Variants in DNAH10 observed in about 807,000 individuals in gnomAD.
The protein encoded by DNAH10 is axonemal beta dynein heavy chain 10.
DNAH10 carries 348 observed loss-of-function variants against 506.6 expected under a neutral mutation model. That is an observed-to-expected ratio of 0.69 (90% confidence interval 0.63 to 0.75). The LOEUF is 0.75. DNAH10 is among the 30% of genes least tolerant of loss of function. The pLI, the probability that DNAH10 is intolerant of heterozygous loss-of-function variation, is 0.00. For missense variants in DNAH10, 5,179 were observed against 5,787.1 expected, an observed-to-expected ratio of 0.89 and a Z score of 3.41; for synonymous variants, 2,059 against 2,198.6, an observed-to-expected ratio of 0.94 and a Z score of 1.78.
intron 51 of DNAH10, among the ~76,000 whole-genome samples, chr12:123,882,499 T>A (rs1046637915): frequency 2.0e-5 from 3 of 152,160 alleles, no homozygotes; most frequent in African/African-American, 7.2e-5. Flanking sequence ...TTTAGAACAC[T>A]TCTGTGGCTT....
intron 43 of DNAH10, among the ~76,000 whole-genome samples, chr12:123,868,478 A>G (rs1307925701): frequency 6.6e-6 from 1 of 152,092 alleles, no homozygotes; most frequent in African/African-American, 2.4e-5. Flanking sequence ...ATTTTTAACC[A>G]TCTATCTCCA....
chr12:123,889,490 G>C (rs759795171), intron 52 of DNAH10, among the ~76,000 whole-genome samples: 5 of 152,086 alleles, frequency 3.3e-5, no homozygotes, highest in Non-Finnish European at 7.4e-5. Flanking sequence ...TGCCCTCCTT[G>C]GAGCATACAT....
chr12:123,789,125 G>C (rs946699331), intron 10 of DNAH10, among the ~76,000 whole-genome samples: 3 of 151,844 alleles, frequency 2.0e-5, no homozygotes, highest in Non-Finnish European at 4.4e-5. Flanking sequence ...GCGGGCGCCT[G>C]TAATCCCAGC....
intron 30 of DNAH10, among the ~76,000 whole-genome samples, chr12:123,842,384 C>A (rs936963050): frequency 6.6e-6 from 1 of 152,218 alleles, no homozygotes; most frequent in African/African-American, 2.4e-5. Flanking sequence ...CAGCTGAGTG[C>A]AGTCCAACTA....
intron 52 of DNAH10, 107 bp downstream of exon 52, chr12:123,887,420 C>G: frequency 7.6e-7 from 1 of 1,310,280 alleles, no homozygotes; most frequent in Non-Finnish European, 1.0e-6. Flanking sequence ...TAGCCCTGTG[C>G]GGGTGTACCT....
At chr12:123,781,022 A>G in intron 5 of DNAH10, 58 bp from the exon 6 acceptor site, 2 of 1,358,992 alleles carry the variant, frequency 1.5e-6, no homozygotes, top group Admixed American at 2.3e-5. Context: ...GGCAATTTGA[A>G]TACATGAATT....
rs868044658 is a variant in DNAH10, at chr12:123,837,058, A to T, written c.4903-1398A>T. Among the ~76,000 whole-genome samples, 110 of 150,932 alleles carry T rather than the reference A, an allele frequency of 7.3e-4. 1 individual carries two copies. The highest frequency in any genetic ancestry group is 2.4e-3 in the Admixed American group (37 of 15,122). The stretch of plus-strand genomic sequence containing the variant: ...AGTAGAGACGGGGTTTCACCGTGTT[A>T]GCCAGGATGGTCTCAATCTCCTGAC... On this transcript the variant is annotated intron_variant, in intron 28 of 78. Coordinates refer to ENST00000673944, the MANE Select transcript of DNAH10 (RefSeq NM_001372106.1).
intron 52 of DNAH10, among the ~76,000 whole-genome samples, chr12:123,890,291 G>C (rs1469668676): frequency 6.6e-6 from 1 of 152,036 alleles, no homozygotes; most frequent in Admixed American, 6.6e-5. Context: ...TTATTTCAGA[G>C]ACAGGGTCTT....
At chr12:123,904,683 C>T (rs1029114843) in intron 57 of DNAH10, among the ~76,000 whole-genome samples, 15 of 152,204 alleles carry the variant, frequency 9.9e-5, no homozygotes, top group South Asian at 8.3e-4. Context: ...TGCTGTGTGA[C>T]GTTTAGCAAG....
intron 19 of DNAH10, 60 bp from the exon 20 acceptor site, chr12:123,813,104 A>C: frequency 3.9e-6 from 5 of 1,266,228 alleles, no homozygotes; most frequent in Non-Finnish European, 5.6e-6. Context: ...ACTAATATGT[A>C]CGTTGGAGGC....
At chr12:123,890,069 G>A (rs777718592) in intron 52 of DNAH10, among the ~76,000 whole-genome samples, 6 of 152,126 alleles carry the variant, frequency 3.9e-5, no homozygotes, top group Non-Finnish European at 5.9e-5. Flanking sequence ...AGTCCTTTTT[G>A]CAGGAAACAT....
chr12:123,902,838 G>T lies in DNAH10; in HGVS notation c.9641-101G>T. The T allele has an allele frequency of 1.4e-6, 2 of 1,415,416 alleles. No individual in the cohort carries two copies. Among genetic ancestry groups the T allele is most frequent in the South Asian group, 1.5e-5 (1 of 66,516 alleles). 87.7% of individuals were successfully genotyped at this position (1,415,416 alleles called of 1,614,324 possible). A position where few individuals can be genotyped will look rare whatever the true frequency, so the allele number is the denominator to read the frequency against. The stretch of plus-strand genomic sequence containing the variant: ...CAGAGCCCCTTAGATCCCCGCTAGG[G>T]CTCAAGCCAACCTTTGAGGACTGCA... On this transcript the variant is annotated intron_variant, in intron 56 of 78. Coordinates refer to ENST00000673944, the MANE Select transcript of DNAH10 (RefSeq NM_001372106.1). The surrounding 1 kb of genome is among the most constrained non-coding windows in gnomAD (Gnocchi z 4.5).
chr12:123,785,159 A>G lies in DNAH10; in HGVS notation c.1231-587A>G, dbSNP rs949084632. Among the ~76,000 whole-genome samples the G allele has an allele frequency of 2.0e-5, 3 of 152,204 alleles. No homozygotes were observed. Among genetic ancestry groups the G allele is most frequent in the Non-Finnish European group, 4.4e-5 (3 of 68,042 alleles). ...CTGTTTAACCTCTTGAGGAATTTCT[A>G]GACTGTTTTCCAAAGTGGTTGTCCC... On this transcript the variant is annotated intron_variant, in intron 8 of 78. Transcript: ENST00000673944. This position sits in a 1 kb window ranked among gnomAD's most constrained non-coding sequence, Gnocchi z 4.1.
chr12:123,839,913 C>A (rs1368120992), intron 29 of DNAH10, among the ~76,000 whole-genome samples: 1 of 152,104 alleles, frequency 6.6e-6, no homozygotes, highest in Non-Finnish European at 1.5e-5. Flanking sequence ...TGGCGGGAAA[C>A]AACAGAGAAC....
chr12:123,807,187 ACATCCATCCATCCATCCATC>A lies in DNAH10; in HGVS notation c.2988-1579_2988-1560del, dbSNP rs3071663. Among the ~76,000 whole-genome samples, 20 of 145,770 alleles carry A rather than the reference ACATCCATCCATCCATCCATC, an allele frequency of 1.4e-4. No individual in the cohort carries two copies. In the East Asian group the frequency reaches 2.1e-3, roughly 15 times the overall value. On this transcript the variant is annotated intron_variant, in intron 18 of 78. Coordinates refer to ENST00000673944, the MANE Select transcript of DNAH10 (RefSeq NM_001372106.1). ...CTCATCCATCCACACATTCATCCCC[ACATCCATCCATCCATCCATC>A]CATCCATCCATCCATCCATCCATCC... is the stretch of plus-strand genomic sequence containing the variant.
At chr12:123,922,314 T>C (rs1954766605) in intron 65 of DNAH10, among the ~76,000 whole-genome samples, 2 of 152,024 alleles carry the variant, frequency 1.3e-5, no homozygotes, top group South Asian at 4.2e-4. Flanking sequence ...AGGCGGAGGT[T>C]GCAGTGAGCC....
chr12:123,818,543 C>T (rs1293948981), intron 21 of DNAH10, among the ~76,000 whole-genome samples: 2 of 151,558 alleles, frequency 1.3e-5, no homozygotes, highest in African/African-American at 2.4e-5. Flanking sequence ...AGGCTGGTCT[C>T]GAACTCCTGA....
At chr12:123,765,902 A>G (rs190651066) in intron 1 of DNAH10, among the ~76,000 whole-genome samples, 21 of 150,906 alleles carry the variant, frequency 1.4e-4, no homozygotes, top group Non-Finnish European at 2.5e-4. Flanking sequence ...CTAATTACCT[A>G]TACATCTATC....
intron 11 of DNAH10, 61 bp downstream of exon 11, chr12:123,790,182 A>G (rs112373951): frequency 2.0e-6 from 3 of 1,531,126 alleles, no homozygotes; most frequent in African/African-American, 2.8e-5. Flanking sequence ...TCTGTGTTAA[A>G]TTTGTTGGGT....
Sources: allele counts gnomAD v4.1 joint callset (sites outside exome capture counted in the v4.1 genomes callset), GRCh38; gene constraint gnomAD v4.1.1; non-coding constraint Gnocchi (gnomAD v3.1); transcripts MANE v1.5; gene names NCBI Gene and HGNC (gene_info 2026-07-23, HGNC 2026-07-21).